The following PCDHGB3 variants were observed in gnomAD, a reference collection of about 807,000 sequenced individuals.
PCDHGB3 encodes the protein protocadherin gamma-B3.
PCDHGB3 carries 40 observed loss-of-function variants against 59.2 expected under a neutral mutation model. The observed-to-expected ratio is 0.68, with a 90% CI of 0.52 to 0.88. PCDHGB3 has a LOEUF of 0.88. Among genes scored for constraint, PCDHGB3 ranks in the 40% least tolerant of loss-of-function variants. The pLI is 0.00. For synonymous variants in PCDHGB3, 581 were observed against 503.6 expected (o/e 1.15, Z -2.06); for missense variants, 1,309 against 1,187.9 (o/e 1.10, Z -1.50).
chr5:141,464,068 C>A (rs2099075218), intron 1 of PCDHGB3, among the ~76,000 whole-genome samples: 1 of 152,036 alleles, frequency 6.6e-6, no homozygotes, highest in Admixed American at 6.6e-5. Flanking sequence ...AGTTCAAGGC[C>A]AGCCTGGCCA....
intron 1 of PCDHGB3, chr5:141,394,106 T>C: frequency 1.2e-6 from 2 of 1,613,942 alleles, no homozygotes; most frequent in Non-Finnish European, 1.7e-6. Flanking sequence ...GAACACCACC[T>C]CTGTCCACTG....
Position 141,476,437 on chromosome 5 carries a change from TCTGGAGTTGGTAGTGGAGAACCC to T in PCDHGB3, c.2416-18369_2416-18347del. ...GGACACTGCCCTCTTGCACTGTAAC[TCTGGAGTTGGTAGTGGAGAACCC>T]GCTGGAGCTGTTCAGCGTGGAAGTG... On this transcript the variant is annotated intron_variant, in intron 1 of 3. Transcript: ENST00000576222. The surrounding 1 kb of genome is among the most constrained non-coding windows in gnomAD (Gnocchi z 7.6). 1 of 1,614,004 alleles carries T rather than the reference TCTGGAGTTGGTAGTGGAGAACCC, an allele frequency of 6.2e-7. No individual in the cohort carries two copies. The highest frequency in any genetic ancestry group is 2.2e-5 in the East Asian group (1 of 44,836).
chr5:141,427,197 A>C (rs1277186420), intron 1 of PCDHGB3: 4 of 456,762 alleles, frequency 8.8e-6, no homozygotes, highest in Admixed American at 2.3e-5. Context: ...CAAAGACTTA[A>C]TAGACTTCGA....
At chr5:141,440,155 A>C (rs1250255277) in intron 1 of PCDHGB3, 1 of 152,238 alleles carries the variant, frequency 6.6e-6, no homozygotes, top group Non-Finnish European at 1.5e-5. Flanking sequence ...CCCCAATTAT[A>C]GCTTGGGCCA....
At chr5:141,376,368 A>C in intron 1 of PCDHGB3, 1 of 1,613,920 alleles carries the variant, frequency 6.2e-7, no homozygotes, top group Non-Finnish European at 8.5e-7. Flanking sequence ...CTCACTGCAG[A>C]CTCGCGTAAG....
rs530356030 is a variant in PCDHGB3 at position 141,426,463 on chromosome 5, GATTT to G, written c.2415+53658_2415+53661del. 309 of 318,428 alleles carry G rather than the reference GATTT, an allele frequency of 9.7e-4. 2 individuals are homozygous for G. Among genetic ancestry groups the G allele is most frequent in the Non-Finnish European group, 1.6e-3 (252 of 160,518 alleles). 19.7% of individuals were successfully genotyped at this position (318,428 alleles called of 1,614,324 possible). A position where few individuals can be genotyped will look rare whatever the true frequency, so the allele number is the denominator to read the frequency against. ...GGAGGACATGCGGCTGCATGTTCAGGATTTATTGACCTGAAACCTTAGAGTTAGT... is the reference window on the plus strand; with the variant it reads ...GGAGGACATGCGGCTGCATGTTCAGGATTGACCTGAAACCTTAGAGTTAGT... On this transcript the variant is annotated intron_variant, in intron 1 of 3. Transcript: ENST00000576222.
intron 1 of PCDHGB3, chr5:141,394,313 C>G: frequency 6.2e-7 from 1 of 1,614,022 alleles, no homozygotes; most frequent in Non-Finnish European, 8.5e-7. Flanking sequence ...AGGGGGCGCC[C>G]CTGTCCTCGT....
chr5:141,403,749 C>T (rs759577178), intron 1 of PCDHGB3: 2 of 1,613,652 alleles, frequency 1.2e-6, no homozygotes, highest in Non-Finnish European at 1.7e-6. Context: ...ACTGCAACAG[C>T]CAGCGACCTG....
intron 1 of PCDHGB3, among the ~76,000 whole-genome samples, chr5:141,407,122 G>A (rs987492570): frequency 3.9e-5 from 6 of 152,094 alleles, no homozygotes; most frequent in African/African-American, 1.4e-4. Context: ...GGTTTCAGTT[G>A]CTTTATTTTT....
At position 141,430,969 on chromosome 5, in the gene PCDHGB3, T is replaced by C. The variant is rs560722324; in HGVS notation, c.2415+58160T>C. The C allele has an allele frequency of 1.5e-4, 246 of 1,613,012 alleles. 3 individuals carry two copies. The South Asian group carries it at 2.6e-3, about 17-fold the overall frequency. The stretch of plus-strand genomic sequence containing the variant: ...GCGGAGTCCGCATCATCCCCAGAGG[T>C]AGGACGCAGCTTTTCGCCCTGAATC... On this transcript the variant is annotated intron_variant, in intron 1 of 3. Transcript: ENST00000576222.
At chr5:141,426,581 CCT>C (rs898552856) in intron 1 of PCDHGB3, 1 of 358,350 alleles carries the variant, frequency 2.8e-6, no homozygotes, top group Non-Finnish European at 5.6e-6. Flanking sequence ...TCTTCAAAAT[CCT>C]CTGTGTCATA....
At chr5:141,443,209 C>T (rs1183847804) in intron 1 of PCDHGB3, among the ~76,000 whole-genome samples, 2 of 152,030 alleles carry the variant, frequency 1.3e-5, no homozygotes, top group African/African-American at 2.4e-5. Flanking sequence ...GAGCTTGTCT[C>T]GCCAGGCGCA....
At chr5:141,460,912 GTA>G (rs34683754) in intron 1 of PCDHGB3, among the ~76,000 whole-genome samples, 12 of 149,310 alleles carry the variant, frequency 8.0e-5, no homozygotes, top group African/African-American at 7.4e-5. Flanking sequence ...ATTCCATGGT[GTA>G]TATATATATA....
At chr5:141,433,320 T>A in intron 1 of PCDHGB3, 1 of 792,046 alleles carries the variant, frequency 1.3e-6, no homozygotes, top group Non-Finnish European at 2.0e-6. Flanking sequence ...TTGCCTCCGG[T>A]GTAACAGGGA....
At chr5:141,478,941 A>C (rs889484528) in intron 1 of PCDHGB3, 9 of 589,470 alleles carry the variant, frequency 1.5e-5, no homozygotes, top group Non-Finnish European at 2.0e-5. Context: ...TTCTAGGAAT[A>C]CAAAAACTAC....
At chr5:141,383,058 G>A (rs1289702805) in intron 1 of PCDHGB3, 1 of 1,613,912 alleles carries the variant, frequency 6.2e-7, no homozygotes, top group East Asian at 2.2e-5. Context: ...AGGACCTGGG[G>A]CTGGAGCCCC....
At position 141,487,610 on chromosome 5, in the gene PCDHGB3, C is replaced by A; in HGVS notation, c.2416-7197C>A. On this transcript the variant is annotated intron_variant, in intron 1 of 3. Transcript: ENST00000576222. The surrounding 1 kb of genome is among the most constrained non-coding windows in gnomAD (Gnocchi z 5.0). ...CCCACCCTCTGATCTTCTCTATGGG[C>A]TAGAGGTGAGACCTTTGCAGGCTCA... The A allele has an allele frequency of 6.2e-7, 1 of 1,614,190 alleles. No homozygotes were observed. The highest frequency in any genetic ancestry group is 1.1e-5 in the South Asian group (1 of 91,078).
Position 141,371,160 on chromosome 5 carries a change from C to T in PCDHGB3, c.766C>T (p.Pro256Ser). 4 of 1,614,022 alleles carry T rather than the reference C, an allele frequency of 2.5e-6. No homozygotes were observed. The highest frequency in any genetic ancestry group is 2.5e-6 in the Non-Finnish European group (3 of 1,179,882). Residue 256 changes from proline (P) to serine (S), a missense_variant, in exon 1 of 4, where the codon CCC becomes TCC. Transcript: ENST00000576222. Reference protein sequence around the residue: ...MYRVNVAENLPAGSSVLKVMA... With the variant: ...MYRVNVAENLSAGSSVLKVMA... ...CAGGGTCAATGTTGCAGAGAACCTG[C>T]CCGCTGGCTCCTCCGTATTAAAAGT... is the stretch of plus-strand genomic sequence containing the variant.
At chr5:141,399,062 C>T in intron 1 of PCDHGB3, 1 of 1,613,790 alleles carries the variant, frequency 6.2e-7, no homozygotes, top group Non-Finnish European at 8.5e-7. Context: ...AAGGAATATT[C>T]AATGGTTGTA....
Sources: gnomAD v4.1 joint callset for allele counts (sites outside exome capture counted in the v4.1 genomes callset) on GRCh38, gnomAD v4.1.1 for gene constraint, Gnocchi (gnomAD v3.1) non-coding constraint, MANE v1.5 for transcripts, NCBI Gene and HGNC (gene_info 2026-07-23, HGNC 2026-07-21) for gene names.